TMEM132C: variants seen among roughly 807,000 people sequenced by gnomAD.
TMEM132C encodes transmembrane protein 132C.
In TMEM132C, 29 loss-of-function variants were observed where a neutral mutation model predicts 61.4. The observed-to-expected ratio is 0.47, with a 90% CI of 0.35 to 0.64. The LOEUF is 0.64. TMEM132C is among the 30% of genes least tolerant of loss of function. TMEM132C has a pLI of 0.00. For synonymous variants in TMEM132C, 656 were observed against 633.1 expected, an observed-to-expected ratio of 1.04 and a Z score of -0.54; for missense variants, 1,408 against 1,476.9, an observed-to-expected ratio of 0.95 and a Z score of 0.76.
chr12:128,481,517 C>T (rs766142581), intron 2 of TMEM132C, among the ~76,000 whole-genome samples: 5 of 152,224 alleles, frequency 3.3e-5, no homozygotes, highest in African/African-American at 7.2e-5. Context: ...TCTGCCTCAT[C>T]GCCATAAGCA....
At chr12:128,463,574 C>T (rs1343740147) in intron 2 of TMEM132C, among the ~76,000 whole-genome samples, 1 of 152,142 alleles carries the variant, frequency 6.6e-6, no homozygotes, top group Non-Finnish European at 1.5e-5. Flanking sequence ...CCACCTCGGC[C>T]TCCCAAAGTG....
chr12:128,322,479 C>A (rs1872368038), intron 1 of TMEM132C, among the ~76,000 whole-genome samples: 2 of 152,354 alleles, frequency 1.3e-5, no homozygotes, highest in Admixed American at 1.3e-4. Flanking sequence ...TACTGGACTA[C>A]CTTCTTTCCA....
At chr12:128,336,233 G>A (rs1011875806) in intron 1 of TMEM132C, among the ~76,000 whole-genome samples, 1 of 152,148 alleles carries the variant, frequency 6.6e-6, no homozygotes, top group Non-Finnish European at 1.5e-5. Flanking sequence ...GGAAGAGGCT[G>A]CATTTTTAAA....
chr12:128,446,158 G>A (rs982547746), intron 2 of TMEM132C, among the ~76,000 whole-genome samples: 2 of 152,166 alleles, frequency 1.3e-5, no homozygotes, highest in Non-Finnish European at 2.9e-5. Flanking sequence ...CGTGAATGCC[G>A]GATTCTCCCC....
chr12:128,510,579 C>T (rs887090319), intron 2 of TMEM132C, among the ~76,000 whole-genome samples: 2 of 152,202 alleles, frequency 1.3e-5, no homozygotes, highest in African/African-American at 2.4e-5. Context: ...ACTCTCCTCA[C>T]ATTTTCTGCA....
intron 2 of TMEM132C, among the ~76,000 whole-genome samples, chr12:128,532,741 G>A (rs1873364335): frequency 6.6e-6 from 1 of 151,448 alleles, no homozygotes; most frequent in South Asian, 2.1e-4. Context: ...CCAACCATGT[G>A]AGGGTGAAGC....
At chr12:128,363,276 A>C (rs1201142417) in intron 1 of TMEM132C, among the ~76,000 whole-genome samples, 2 of 152,200 alleles carry the variant, frequency 1.3e-5, no homozygotes, top group African/African-American at 4.8e-5. Context: ...ACTTTTCAAA[A>C]GAAAGTCCCA....
intron 3 of TMEM132C, among the ~76,000 whole-genome samples, chr12:128,583,986 A>G (rs1202312343): frequency 6.6e-6 from 1 of 152,210 alleles, no homozygotes; most frequent in African/African-American, 2.4e-5. Context: ...CTGCTCTTCA[A>G]GAGGCAAAAA....
intron 3 of TMEM132C, among the ~76,000 whole-genome samples, chr12:128,612,149 G>A (rs1319522150): frequency 1.3e-5 from 2 of 152,136 alleles, no homozygotes; most frequent in African/African-American, 4.8e-5. Flanking sequence ...GCCTCCCGGG[G>A]GCTCATTTCT....
At chr12:128,467,101 G>A (rs904021781) in intron 2 of TMEM132C, among the ~76,000 whole-genome samples, 10 of 152,166 alleles carry the variant, frequency 6.6e-5, no homozygotes, top group African/African-American at 2.4e-4. Context: ...AACCTCCCAT[G>A]GAATTGGGAA....
chr12:128,660,576 G>C (rs1333750196), intron 4 of TMEM132C, among the ~76,000 whole-genome samples: 2 of 152,202 alleles, frequency 1.3e-5, no homozygotes, highest in Non-Finnish European at 2.9e-5. Flanking sequence ...CTTCCCACTT[G>C]TTGTTTGTGG....
intron 3 of TMEM132C, among the ~76,000 whole-genome samples, chr12:128,547,313 G>A (rs1473482023): frequency 2.0e-5 from 3 of 151,998 alleles, no homozygotes; most frequent in Non-Finnish European, 4.4e-5. Flanking sequence ...CTGGCTGGAT[G>A]GCACTCACAG....
At chr12:128,659,969 G>A (rs569797584) in intron 4 of TMEM132C, among the ~76,000 whole-genome samples, 5 of 152,314 alleles carry the variant, frequency 3.3e-5, no homozygotes, top group East Asian at 1.9e-4. Flanking sequence ...GCTCCACCGC[G>A]CTGCTGGCTT....
intron 4 of TMEM132C, among the ~76,000 whole-genome samples, chr12:128,664,134 TCACA>T (rs1279387034): frequency 2.6e-5 from 3 of 116,960 alleles, no homozygotes; most frequent in African/African-American, 1.1e-4. Context: ...ACGCGGGCAC[TCACA>T]CAGGCACACA....
chr12:128,295,535 A>T (rs1184479785), intron 1 of TMEM132C, among the ~76,000 whole-genome samples: 1 of 143,466 alleles, frequency 7.0e-6, no homozygotes, highest in African/African-American at 2.5e-5. Context: ...TCCTGTCTGT[A>T]ACAGCCTGCT....
chr12:128,338,440 C>T (rs1872849350), intron 1 of TMEM132C, among the ~76,000 whole-genome samples: 1 of 152,122 alleles, frequency 6.6e-6, no homozygotes, highest in South Asian at 2.1e-4. Context: ...TTTCCCTTGG[C>T]ACATGTGACC....
At chr12:128,609,175 A>AACCCTGTAACCCCCG (rs1565990314) in intron 3 of TMEM132C, among the ~76,000 whole-genome samples, 2 of 46,630 alleles carry the variant, frequency 4.3e-5, no homozygotes, top group African/African-American at 2.0e-4. Flanking sequence ...TGTAACCCCC[A>AACCCTGTAACCCCCG]CCTCCCTGCA....
At chr12:128,521,909 C>T (rs1872918134) in intron 2 of TMEM132C, among the ~76,000 whole-genome samples, 1 of 152,148 alleles carries the variant, frequency 6.6e-6, no homozygotes, top group Non-Finnish European at 1.5e-5. Context: ...TGCTTCACTC[C>T]TGTACTGCTT....
At chr12:128,533,902 G>GCACACACATGCATACA (rs899048274) in intron 2 of TMEM132C, among the ~76,000 whole-genome samples, 1 of 151,450 alleles carries the variant, frequency 6.6e-6, no homozygotes, top group African/African-American at 2.4e-5. Context: ...TCCCATCCGT[G>GCACACACATGCATACA]CACACACATG....
Sources: gnomAD v4.1 joint callset for allele counts (sites outside exome capture counted in the v4.1 genomes callset) on GRCh38, gnomAD v4.1.1 for gene constraint, MANE v1.5 for transcripts, NCBI Gene and HGNC (gene_info 2026-07-23, HGNC 2026-07-21) for gene names.